Variants in CAPNS1 observed in about 807,000 individuals in gnomAD.
CAPNS1 encodes calpain small subunit 1, also known as CANP small subunit.
A neutral mutation model predicts 39.2 loss-of-function variants in CAPNS1; 32 were observed. The observed-to-expected ratio is 0.82, with a 90% confidence interval of 0.62 to 1.10. The LOEUF (loss-of-function observed/expected upper bound fraction) is 1.10. Among genes scored for constraint, CAPNS1 ranks in the 50% least tolerant of loss-of-function variants. The probability of loss-of-function intolerance (pLI) is 0.00; values close to 1 mark genes in which losing one functional copy is unlikely to be tolerated. For missense variants in CAPNS1, 353 were observed against 373.1 expected (o/e 0.95, Z 0.44); for synonymous variants, 153 against 136.2 (o/e 1.12, Z -0.86).
chr19:36,146,169 G>A lies in CAPNS1; in HGVS notation c.605-27G>A, dbSNP rs201371089. On this transcript the variant is annotated intron_variant, in intron 8 of 10. Transcript: ENST00000246533. ...GAGTGGGTTGGGCCATGTGGCCCCCGCACCTGAAGGACTACATCCATCTTA... is the reference window on the plus strand; with the variant it reads ...GAGTGGGTTGGGCCATGTGGCCCCCACACCTGAAGGACTACATCCATCTTA... 319 of 1,582,422 alleles carry A rather than the reference G, an allele frequency of 2.0e-4. 3 individuals are homozygous for A. Among genetic ancestry groups the A allele is most frequent in the South Asian group, 4.4e-5 (4 of 90,304 alleles).
At chr19:36,148,885 AC>A (rs1974673622) in intron 9 of CAPNS1, among the ~76,000 whole-genome samples, 1 of 151,172 alleles carries the variant, frequency 6.6e-6, no homozygotes, top group East Asian at 1.9e-4. Flanking sequence ...GGTGGTGGTA[AC>A]TGAGCGGAGA....
In CAPNS1 at chr19:36,140,164, G is replaced by C. The variant is rs772688272; in HGVS notation, c.-16+7G>C. 1.3e-5 allele frequency: 2 copies of C among 152,198 alleles called. No individual in the cohort carries two copies. Among genetic ancestry groups the C allele is most frequent in the Non-Finnish European group, 2.9e-5 (2 of 68,046 alleles). 9.4% of individuals were successfully genotyped at this position (152,198 alleles called of 1,614,324 possible). On this transcript the variant is annotated splice_region_variant and intron_variant, in intron 1 of 10. Coordinates refer to ENST00000246533, the MANE Select transcript of CAPNS1 (RefSeq NM_001749.4). The stretch of plus-strand genomic sequence containing the variant: ...ACTCCGGACGTGTGCGGCGGTAAGC[G>C]CCCGGCCCGTACCCCCTCCGCACCC...
At chr19:36,149,312 C>T (rs1231853195) in intron 9 of CAPNS1, among the ~76,000 whole-genome samples, 1 of 152,168 alleles carries the variant, frequency 6.6e-6, no homozygotes, top group African/African-American at 2.4e-5. Flanking sequence ...GTGATCCTCC[C>T]ATCTTGGCCT....
At chr19:36,148,592 C>G (rs1599885432) in intron 9 of CAPNS1, among the ~76,000 whole-genome samples, 1 of 150,058 alleles carries the variant, frequency 6.7e-6, no homozygotes, top group Admixed American at 6.7e-5. Flanking sequence ...GGGCGGATCA[C>G]CTGATGTCAG....
rs763394552 is a variant in CAPNS1, at chr19:36,141,237, CAG to C, written c.209+20_209+21del. ...CGCCATCAGGTAAGGCGGAGACTAT[CAG>C]AGGGGCGGGGCCTGGGAATGGGAGG... On this transcript the variant is annotated intron_variant, in intron 2 of 10. Coordinates refer to ENST00000246533, the MANE Select transcript of CAPNS1 (RefSeq NM_001749.4). 5.0e-5 allele frequency: 76 copies of C among 1,515,376 alleles called. No homozygotes were observed. Among genetic ancestry groups the C allele is most frequent in the Non-Finnish European group, 6.2e-5 (71 of 1,137,764 alleles). The allele number at this position is 1,515,376 out of a possible 1,614,324, so 93.9% of individuals were successfully genotyped here.
At chr19:36,140,906 C>T in intron 1 of CAPNS1, 91 bp from the exon 2 acceptor site, 1 of 1,562,636 alleles carries the variant, frequency 6.4e-7, no homozygotes, top group Non-Finnish European at 8.7e-7. Flanking sequence ...GCTTCAGATT[C>T]CTCCCAGGTC....
At chr19:36,149,507 T>C (rs1974695206) in intron 9 of CAPNS1, 71 bp from the exon 10 acceptor site, 13 of 1,358,838 alleles carry the variant, frequency 9.6e-6, no homozygotes, top group Non-Finnish European at 1.3e-5. Context: ...CATGTATTTG[T>C]GTAATGTTAT....
chr19:36,143,715 TA>T (rs1489346808), intron 6 of CAPNS1, among the ~76,000 whole-genome samples: 1 of 133,670 alleles, frequency 7.5e-6, no homozygotes, highest in African/African-American at 2.8e-5. Context: ...AAAAAAAAAT[TA>T]GCCGGGCGTA....
Position 36,149,979 on chromosome 19 carries a change from G to A in CAPNS1, c.*140G>A. ...ACAAGCTTTTGTTCTCTCAGTACTT[G>A]TTACCCAGCTTCTCAACATCCAGGG... is the stretch of plus-strand genomic sequence containing the variant. On this transcript the variant is annotated 3_prime_UTR_variant, in exon 11 of 11. Transcript: ENST00000246533. 2 of 777,494 alleles carry A rather than the reference G, an allele frequency of 2.6e-6. No homozygotes were observed. The highest frequency in any genetic ancestry group is 3.7e-6 in the Non-Finnish European group (2 of 545,200). 48.2% of individuals were successfully genotyped at this position (777,494 alleles called of 1,614,324 possible). A position where few individuals can be genotyped will look rare whatever the true frequency, so the allele number is the denominator to read the frequency against.
intron 6 of CAPNS1, among the ~76,000 whole-genome samples, chr19:36,145,068 C>A (rs536597131): frequency 2.9e-3 from 440 of 152,248 alleles, no homozygotes; most frequent in Non-Finnish European, 5.5e-3. Context: ...TGAGTTCAAG[C>A]GATCCACCTG....
chr19:36,148,631 TG>T (rs1466243540), intron 9 of CAPNS1, among the ~76,000 whole-genome samples: 2 of 151,346 alleles, frequency 1.3e-5, no homozygotes, highest in Non-Finnish European at 2.9e-5. Flanking sequence ...GCCAACATAG[TG>T]AAACCCCGTC....
At position 36,141,053 on chromosome 19, in the gene CAPNS1, C is replaced by A. The variant is rs1568389615; in HGVS notation, c.42C>A (p.Gly14=). The A allele has an allele frequency of 1.2e-6, 1 of 818,022 alleles. No individual in the cohort carries two copies. The allele number at this position is 818,022 out of a possible 1,614,324, so 50.7% of individuals were successfully genotyped here. A position where few individuals can be genotyped will look rare whatever the true frequency, so the allele number is the denominator to read the frequency against. ...CGTTCTTGAAGGGCGGCGGCGGCGG[C>A]GGCGGGGGAGGCGGGGGCCTGGGTG... The part of the protein sequence containing the change: ...VNSFLKGGGG[G]GGGGGGLGGG... Residue 14 remains glycine, a synonymous_variant, in exon 2 of 11, where the codon GGC becomes GGA. Transcript: ENST00000246533.
rs763065615 is a variant in CAPNS1 at position 36,146,187 on chromosome 19, C to T, written c.605-9C>T. 24 of 1,602,224 alleles carry T rather than the reference C, an allele frequency of 1.5e-5. 2 individuals are homozygous for T. In the South Asian group the frequency reaches 2.6e-4, roughly 18 times the overall value. On this transcript the variant is annotated splice_polypyrimidine_tract_variant and intron_variant, in intron 8 of 10. Coordinates refer to ENST00000246533, the MANE Select transcript of CAPNS1 (RefSeq NM_001749.4). Reference sequence around the variant, plus strand: ...GGCCCCCGCACCTGAAGGACTACATCCATCTTAGGGTTCCACCTGAATGAG... The same window carrying T: ...GGCCCCCGCACCTGAAGGACTACATTCATCTTAGGGTTCCACCTGAATGAG...
chr19:36,147,524 TG>T (rs1286622905), intron 9 of CAPNS1, among the ~76,000 whole-genome samples: 1 of 152,094 alleles, frequency 6.6e-6, no homozygotes, highest in East Asian at 1.9e-4. Context: ...CCCAGCACTT[TG>T]GGAGGCCGAG....
chr19:36,141,099 G>A lies in CAPNS1; in HGVS notation c.88G>A (p.Gly30Arg). Residue 30 changes from glycine (G) to arginine (R), a missense_variant, in exon 2 of 11, where the codon GGA becomes AGA. By Grantham distance (125) the Gly-to-Arg change is moderately radical. Transcript: ENST00000246533. ...GGGTGGGGGCCTGGGAAATGTGCTT[G>A]GAGGCCTGATCAGCGGGGCCGGGGG... ...GLGGGLGNVL[G>R]GLISGAGGGG... 1 of 1,454,754 alleles carries A rather than the reference G, an allele frequency of 6.9e-7. No individual in the cohort carries two copies. The highest frequency in any genetic ancestry group is 9.1e-7 in the Non-Finnish European group (1 of 1,100,162). The allele number at this position is 1,454,754 out of a possible 1,614,324, so 90.1% of individuals were successfully genotyped here. A position where few individuals can be genotyped will look rare whatever the true frequency, so the allele number is the denominator to read the frequency against.
In CAPNS1 at chr19:36,145,889, C is replaced by T; in HGVS notation, c.525+15C>T. On this transcript the variant is annotated intron_variant, in intron 7 of 10. Transcript: ENST00000246533. ...AAAGGTGGCAGGTGTGTAGAAACCTCTGAAATCCCTGGCACCCAGACCCCC... is the reference window on the plus strand; with the variant it reads ...AAAGGTGGCAGGTGTGTAGAAACCTTTGAAATCCCTGGCACCCAGACCCCC... The T allele has an allele frequency of 1.9e-6, 3 of 1,613,952 alleles. No individual in the cohort carries two copies. Among genetic ancestry groups the T allele is most frequent in the Non-Finnish European group, 2.5e-6 (3 of 1,179,778 alleles).
chr19:36,141,997 T>G (rs1338074063), intron 2 of CAPNS1, among the ~76,000 whole-genome samples: 1 of 151,878 alleles, frequency 6.6e-6, no homozygotes, highest in East Asian at 1.9e-4. Flanking sequence ...ATTTTTTAGG[T>G]TTAGGGTGGC....
intron 9 of CAPNS1, among the ~76,000 whole-genome samples, chr19:36,147,233 C>T (rs1350192614): frequency 6.6e-6 from 1 of 152,162 alleles, no homozygotes; most frequent in Non-Finnish European, 1.5e-5. Context: ...ACTTAGGATT[C>T]AAGGAGGCAA....
At chr19:36,148,032 A>G (rs1414829610) in intron 9 of CAPNS1, 2 of 151,476 alleles carry the variant, frequency 1.3e-5, no homozygotes, top group East Asian at 3.9e-4. Context: ...AGGTCATGCC[A>G]TTGCACTCCA....
Sources: allele counts gnomAD v4.1 joint callset (sites outside exome capture counted in the v4.1 genomes callset), GRCh38; gene constraint gnomAD v4.1.1; transcripts MANE v1.5; gene names NCBI Gene and HGNC (gene_info 2026-07-23, HGNC 2026-07-21).